PCSK5: variants seen among roughly 807,000 people sequenced by gnomAD.
The protein encoded by PCSK5 is prohormone convertase 5.
In PCSK5, 129 loss-of-function variants were observed where a neutral mutation model predicts 233.2. The observed-to-expected ratio is 0.55, with a 90% confidence interval of 0.48 to 0.64. The LOEUF (loss-of-function observed/expected upper bound fraction) is 0.64, where lower values mean the gene tolerates loss of function less well. Ranked by LOEUF, PCSK5 falls within the 30% of genes least tolerant of loss-of-function variation. The pLI, the probability that PCSK5 is intolerant of heterozygous loss-of-function variation, is 0.00. For missense variants in PCSK5, 2,076 were observed against 2,430.1 expected (o/e 0.85, Z 3.06); for synonymous variants, 825 against 879.2 (o/e 0.94, Z 1.09).
chr9:76,358,911 T>C lies in PCSK5; in HGVS notation c.5653T>C (p.Tyr1885His). The C allele has an allele frequency of 6.2e-7, 1 of 1,612,134 alleles. No individual in the cohort carries two copies. The highest frequency in any genetic ancestry group is 8.5e-7 in the Non-Finnish European group (1 of 1,179,324). The change falls in exon 38 of 38, where the codon TAC (tyrosine) becomes CAC (histidine). Residue 1885 changes from tyrosine to histidine, a missense_variant. Physicochemically the swap from Tyr to His is moderately conservative, Grantham distance 83 (BLOSUM62 2). Coordinates refer to ENST00000674117, the MANE Select transcript of PCSK5 (RefSeq NM_001372043.1). ...ELEYDDESYS[Y>H]YQ is the part of the protein sequence containing the mutation. Reference sequence around the variant, plus strand: ...GGAATATGATGACGAGAGTTACTCCTACTACCAGTAAACAGGCACTCCCCC... The same window carrying C: ...GGAATATGATGACGAGAGTTACTCCCACTACCAGTAAACAGGCACTCCCCC...
chr9:76,248,103 T>A (rs190420649), intron 24 of PCSK5, among the ~76,000 whole-genome samples: 3,530 of 151,766 alleles, frequency 0.023, 106 homozygotes, highest in South Asian at 0.13. Context: ...TTTAAAAAAA[T>A]TTTTTTTTAA....
intron 5 of PCSK5, among the ~76,000 whole-genome samples, chr9:76,053,611 T>C (rs778370353): frequency 2.6e-5 from 4 of 152,336 alleles, no homozygotes; most frequent in South Asian, 4.1e-4. Flanking sequence ...CACAGTCTCT[T>C]TCTTAAAGCA....
intron 5 of PCSK5, among the ~76,000 whole-genome samples, chr9:76,041,459 C>A (rs1829112676): frequency 1.3e-5 from 2 of 152,198 alleles, no homozygotes; most frequent in Admixed American, 1.3e-4. Flanking sequence ...TTCCCTGGAG[C>A]TTCTCCTTTA....
rs147320245 is a variant in PCSK5, at chr9:76,086,478, G to C, written c.895-9412G>C. Among the ~76,000 whole-genome samples the C allele has an allele frequency of 6.8e-4, 104 of 152,278 alleles. No homozygotes were observed. The East Asian group carries it at 0.016, about 24-fold the overall frequency. On this transcript the variant is annotated intron_variant, in intron 7 of 37. Coordinates refer to ENST00000674117, the MANE Select transcript of PCSK5 (RefSeq NM_001372043.1). The stretch of plus-strand genomic sequence containing the variant: ...TCACCTGAGTCCTGCTGAGGCCTCT[G>C]TGAACAGATGAGATGAGGTCTGAGA...
chr9:76,141,938 T>C (rs904436496), intron 10 of PCSK5, among the ~76,000 whole-genome samples: 1 of 151,922 alleles, frequency 6.6e-6, no homozygotes, highest in Admixed American at 6.6e-5. Context: ...TGAGAACTCG[T>C]GAACACAAAG....
At chr9:76,183,133 G>C (rs190392645) in intron 16 of PCSK5, among the ~76,000 whole-genome samples, 1 of 152,112 alleles carries the variant, frequency 6.6e-6, no homozygotes, top group African/African-American at 2.4e-5. Context: ...GAGGAAAAAA[G>C]TCAAAATTCT....
intron 25 of PCSK5, among the ~76,000 whole-genome samples, chr9:76,294,204 A>AAG: frequency 6.6e-6 from 1 of 152,162 alleles, no homozygotes; most frequent in East Asian, 1.9e-4. Context: ...CAAAAAAAAA[A>AAG]AAAAAAACAG....
chr9:75,980,646 C>T (rs373440957), intron 2 of PCSK5, among the ~76,000 whole-genome samples: 1 of 151,962 alleles, frequency 6.6e-6, no homozygotes, highest in Non-Finnish European at 1.5e-5. Context: ...AATAACAATG[C>T]CAATATTTAA....
At chr9:75,939,562 G>A (rs1248040597) in intron 2 of PCSK5, among the ~76,000 whole-genome samples, 3 of 152,148 alleles carry the variant, frequency 2.0e-5, no homozygotes, top group Admixed American at 1.3e-4. Flanking sequence ...AAGGGTGTGA[G>A]GGGGAGTGCG....
At chr9:76,080,358 A>T (rs1307177842) in intron 7 of PCSK5, among the ~76,000 whole-genome samples, 1 of 152,110 alleles carries the variant, frequency 6.6e-6, no homozygotes, top group Non-Finnish European at 1.5e-5. Flanking sequence ...CCTTCTTTGT[A>T]ATTATTATAC....
chr9:75,920,573 G>A (rs1823211961), intron 1 of PCSK5, among the ~76,000 whole-genome samples: 1 of 152,124 alleles, frequency 6.6e-6, no homozygotes, highest in Admixed American at 6.6e-5. Context: ...GGGAGGCCAA[G>A]CTGGGAGGAT....
intron 36 of PCSK5, among the ~76,000 whole-genome samples, chr9:76,351,601 GA>G (rs1830163736): frequency 2.0e-5 from 1 of 49,040 alleles, no homozygotes; most frequent in African/African-American, 4.0e-5. Flanking sequence ...GAGAAAGAAA[GA>G]GAAGAAAGAA....
At chr9:76,219,142 AG>A (rs1825640828) in intron 20 of PCSK5, among the ~76,000 whole-genome samples, 1 of 152,156 alleles carries the variant, frequency 6.6e-6, no homozygotes, top group Non-Finnish European at 1.5e-5. Flanking sequence ...TCCTCTCTCC[AG>A]GGGCTTCTCT....
intron 1 of PCSK5, among the ~76,000 whole-genome samples, chr9:75,902,214 TAAAAAAAAAAAAAAAAAA>T (rs200579439): frequency 3.8e-5 from 2 of 53,290 alleles, no homozygotes; most frequent in African/African-American, 1.6e-4. Flanking sequence ...AGACACCATC[TAAAAAAAAAAAAAAAAAA>T]AAAAAAAAAA....
At chr9:76,355,741 T>A (rs1185417009) in intron 37 of PCSK5, among the ~76,000 whole-genome samples, 1 of 151,988 alleles carries the variant, frequency 6.6e-6, no homozygotes, top group African/African-American at 2.4e-5. Context: ...TGTGGCTCTG[T>A]CACCCAGGCT....
At chr9:76,107,171 T>A in intron 8 of PCSK5, 80 bp from the exon 9 acceptor site, 2 of 777,444 alleles carry the variant, frequency 2.6e-6, no homozygotes, top group South Asian at 3.4e-5. Context: ...CCCCATTCTA[T>A]TTTTATGAGT....
chr9:76,320,439 A>AG (rs1400375360), intron 30 of PCSK5, among the ~76,000 whole-genome samples: 1 of 65,578 alleles, frequency 1.5e-5, no homozygotes, highest in Non-Finnish European at 3.3e-5. Context: ...AAAAAAAAAA[A>AG]AAGAAAAAAA....
chr9:76,086,328 G>GA (rs1484372147), intron 7 of PCSK5, among the ~76,000 whole-genome samples: 1 of 152,198 alleles, frequency 6.6e-6, no homozygotes, highest in Admixed American at 6.5e-5. Context: ...TGCTTTGAGT[G>GA]AGGAATTGAG....
intron 5 of PCSK5, among the ~76,000 whole-genome samples, chr9:76,043,369 G>A (rs1422941402): frequency 6.6e-6 from 1 of 150,388 alleles, no homozygotes; most frequent in East Asian, 1.9e-4. Flanking sequence ...TATTTTCGAG[G>A]TATTTACAGA....
Sources: gnomAD v4.1 joint callset for allele counts (sites outside exome capture counted in the v4.1 genomes callset) on GRCh38, gnomAD v4.1.1 for gene constraint, MANE v1.5 for transcripts, NCBI Gene and HGNC (gene_info 2026-07-23, HGNC 2026-07-21) for gene names.